Variants in RABGAP1L observed in about 807,000 individuals in gnomAD.
RABGAP1L encodes rab GTPase-activating protein 1-like.
In RABGAP1L, 63 loss-of-function variants were observed where a neutral mutation model predicts 137.7. The observed-to-expected ratio is 0.46, with a 90% CI of 0.37 to 0.56. RABGAP1L has a LOEUF of 0.56. RABGAP1L is among the 20% of genes least tolerant of loss of function. The pLI is 0.00. For synonymous variants in RABGAP1L, 431 were observed against 433.7 expected (o/e 0.99, Z 0.08); for missense variants, 1,095 against 1,244.0 (o/e 0.88, Z 1.80).
chr1:174,653,776 C>A (rs1478842288), intron 14 of RABGAP1L, among the ~76,000 whole-genome samples: 1 of 152,168 alleles, frequency 6.6e-6, no homozygotes, highest in Non-Finnish European at 1.5e-5. Flanking sequence ...TAAATGTTTT[C>A]TGCATTGTGT....
intron 13 of RABGAP1L, among the ~76,000 whole-genome samples, chr1:174,520,012 A>G (rs1243850246): frequency 2.0e-5 from 3 of 152,198 alleles, no homozygotes; most frequent in Non-Finnish European, 4.4e-5. Flanking sequence ...GCTATACAGC[A>G]TCAGGCCTGG....
intron 11 of RABGAP1L, among the ~76,000 whole-genome samples, chr1:174,350,909 C>T (rs1412069554): frequency 8.1e-5 from 9 of 110,860 alleles, no homozygotes; most frequent in African/African-American, 2.5e-4. Context: ...GCCAACACAG[C>T]GAAACCCCGT....
At chr1:174,527,516 G>T (rs1216405674) in intron 13 of RABGAP1L, among the ~76,000 whole-genome samples, 3 of 152,008 alleles carry the variant, frequency 2.0e-5, no homozygotes, top group Non-Finnish European at 4.4e-5. Flanking sequence ...TATGATTTCT[G>T]TTTTTACAAA....
chr1:174,316,586 CA>C lies in RABGAP1L; in HGVS notation c.1465+11462del, dbSNP rs1679397740. Among the ~76,000 whole-genome samples the C allele has an allele frequency of 2.0e-5, 3 of 152,146 alleles. No individual in the cohort carries two copies. The South Asian group carries it at 6.2e-4, about 32-fold the overall frequency. On this transcript the variant is annotated intron_variant, in intron 11 of 25. Coordinates refer to ENST00000681986, the MANE Select transcript of RABGAP1L (RefSeq NM_001366446.1). The stretch of plus-strand genomic sequence containing the variant: ...TTCTCTTTTCTTACTTTCTCCCAAA[CA>C]AACATTCTCTCTCTCTCTGTCCTGA...
intron 13 of RABGAP1L, chr1:174,547,843 A>C (rs545070876): frequency 1.3e-6 from 2 of 1,527,028 alleles, no homozygotes; most frequent in Non-Finnish European, 1.8e-6. Flanking sequence ...TTAGCAACAG[A>C]TGAAATTTAG....
In RABGAP1L at chr1:174,163,355, C is replaced by A. The variant is rs1664659991; in HGVS notation, c.-34+3698C>A. On this transcript the variant is annotated intron_variant, in intron 1 of 25. Coordinates refer to ENST00000681986, the MANE Select transcript of RABGAP1L (RefSeq NM_001366446.1). The stretch of plus-strand genomic sequence containing the variant: ...TCTTCTTTTTATACTTCGTTTACTT[C>A]CCATATTGCTCTTATTCAACAGATG... Among the ~76,000 whole-genome samples the A allele has an allele frequency of 2.0e-5, 3 of 152,124 alleles. No individual in the cohort carries two copies. The South Asian group carries it at 6.2e-4, about 32-fold the overall frequency.
rs57011947 is a variant in RABGAP1L, at chr1:174,527,204, G to GTTTT, written c.1711-110157_1711-110154dup. Among the ~76,000 whole-genome samples, 513 of 119,626 alleles carry GTTTT rather than the reference G, an allele frequency of 4.3e-3. 5 individuals carry two copies. The highest frequency in any genetic ancestry group is 0.036 in the Middle Eastern group (8 of 222). 78.5% of individuals were successfully genotyped at this position (119,626 alleles called of 152,430 possible). ...TGAGAAAACATATGATTTTTATTTT[G>GTTTT]TTTTTTTTTTTTTTTTTGAGACAGA... On this transcript the variant is annotated intron_variant, in intron 13 of 25. Coordinates refer to ENST00000681986, the MANE Select transcript of RABGAP1L (RefSeq NM_001366446.1).
At chr1:174,597,061 A>T (rs1223090047) in intron 13 of RABGAP1L, among the ~76,000 whole-genome samples, 2 of 152,184 alleles carry the variant, frequency 1.3e-5, no homozygotes, top group South Asian at 2.1e-4. Context: ...TCCTGGGGAT[A>T]AATCTCAGTT....
intron 13 of RABGAP1L, among the ~76,000 whole-genome samples, chr1:174,490,229 G>C (rs1356892332): frequency 6.6e-6 from 1 of 152,052 alleles, no homozygotes; most frequent in African/African-American, 2.4e-5. Context: ...GTCTTTCTTG[G>C]GAAGGCTTTC....
chr1:174,602,629 T>TTTTATTATTA (rs1335944120), intron 13 of RABGAP1L, among the ~76,000 whole-genome samples: 17 of 152,160 alleles, frequency 1.1e-4, no homozygotes, highest in Non-Finnish European at 2.4e-4. Flanking sequence ...CTCCATTGTT[T>TTTTATTATTA]TTTATTATTA....
chr1:174,848,602 CTT>C (rs1321249855), intron 19 of RABGAP1L, among the ~76,000 whole-genome samples: 28 of 146,736 alleles, frequency 1.9e-4, no homozygotes, highest in Admixed American at 4.1e-4. Flanking sequence ...TCTCCAGCTG[CTT>C]GCTGGGAGAA....
chr1:174,548,555 T>C (rs905654270), intron 13 of RABGAP1L: 31 of 975,596 alleles, frequency 3.2e-5, no homozygotes, highest in Middle Eastern at 5.2e-4. Flanking sequence ...AAAATCACTA[T>C]TTTTCATCTT....
chr1:174,677,723 A>G (rs540015567), intron 14 of RABGAP1L, among the ~76,000 whole-genome samples: 1 of 152,318 alleles, frequency 6.6e-6, no homozygotes, highest in Non-Finnish European at 1.5e-5. Flanking sequence ...ATATTTGGGG[A>G]TGATGACAGT....
intron 13 of RABGAP1L, among the ~76,000 whole-genome samples, chr1:174,565,883 CATTTT>C (rs1667548389): frequency 7.5e-6 from 1 of 133,186 alleles, no homozygotes. Context: ...GAATCCTTTA[CATTTT>C]TTTTTTTTTT....
intron 14 of RABGAP1L, among the ~76,000 whole-genome samples, chr1:174,669,850 A>G (rs1677049950): frequency 6.6e-6 from 1 of 152,100 alleles, no homozygotes; most frequent in Admixed American, 6.5e-5. Context: ...TTCTGTTTTT[A>G]TGCCAATCCC....
intron 19 of RABGAP1L, among the ~76,000 whole-genome samples, chr1:174,838,954 A>AAAAT (rs1693073629): frequency 7.4e-6 from 1 of 135,470 alleles, no homozygotes; most frequent in Non-Finnish European, 1.6e-5. Flanking sequence ...AAAAAAAAAA[A>AAAAT]TGACATGAGT....
chr1:174,436,605 TG>T (rs1371247427), intron 13 of RABGAP1L, among the ~76,000 whole-genome samples: 1 of 152,214 alleles, frequency 6.6e-6, no homozygotes, highest in Non-Finnish European at 1.5e-5. Flanking sequence ...TTTTGTAGGT[TG>T]CCTGTTCACT....
intron 19 of RABGAP1L, among the ~76,000 whole-genome samples, chr1:174,925,086 C>T (rs1662488828): frequency 6.6e-6 from 1 of 152,050 alleles, no homozygotes; most frequent in Admixed American, 6.6e-5. Flanking sequence ...AGCGGGTGGG[C>T]CGGGCCTGGT....
At chr1:174,768,190 A>G (rs1685833803) in intron 18 of RABGAP1L, among the ~76,000 whole-genome samples, 2 of 152,202 alleles carry the variant, frequency 1.3e-5, no homozygotes, top group Admixed American at 6.5e-5. Context: ...CCTCTGACTA[A>G]AACCTCCAGT....
Sources: allele counts gnomAD v4.1 joint callset (sites outside exome capture counted in the v4.1 genomes callset), GRCh38; gene constraint gnomAD v4.1.1; transcripts MANE v1.5; gene names NCBI Gene and HGNC (gene_info 2026-07-23, HGNC 2026-07-21).